FGF13: variants seen among roughly 807,000 people sequenced by gnomAD.
FGF13 encodes the protein fibroblast growth factor 13.
A neutral mutation model predicts 19.5 loss-of-function variants in FGF13; 2 were observed. The observed-to-expected ratio is 0.10, with a 90% confidence interval of 0.04 to 0.32. The LOEUF (loss-of-function observed/expected upper bound fraction) is 0.32. Ranked by LOEUF, FGF13 falls within the 10% of genes least tolerant of loss-of-function variation. The probability of loss-of-function intolerance (pLI) is 1.00; values close to 1 mark genes in which losing one functional copy is unlikely to be tolerated. For missense variants in FGF13, 113 were observed against 192.7 expected (o/e 0.59, Z 2.45); for synonymous variants, 72 against 76.9 (o/e 0.94, Z 0.33).
chrX:138,714,270 A>G (rs779637047), upstream of FGF13: 1 of 111,913 alleles, frequency 8.9e-6, no homozygotes, highest in African/African-American at 3.2e-5. Flanking sequence ...CAGAGGGTAA[A>G]TTCAATCTGG....
intron 1 of FGF13, among the ~76,000 whole-genome samples, chrX:138,728,663 C>T (rs953872084): frequency 9.0e-6 from 1 of 110,639 alleles, no homozygotes; most frequent in African/African-American, 3.3e-5. Flanking sequence ...GACCTCCTCT[C>T]CCAGTCCTAG....
At chrX:139,077,211 T>A (rs1603185493) in intron 1 of FGF13, among the ~76,000 whole-genome samples, 1 of 111,723 alleles carries the variant, frequency 9.0e-6, no homozygotes, top group Non-Finnish European at 1.9e-5. Flanking sequence ...TCAGACCCCT[T>A]GGTAGCATTC....
chrX:138,642,694 A>G (rs1431341120), intron 3 of FGF13, among the ~76,000 whole-genome samples: 2 of 112,351 alleles, frequency 1.8e-5, no homozygotes, highest in Admixed American at 9.4e-5. Flanking sequence ...AGGACTGTAC[A>G]TGAATTACAC....
At chrX:139,081,270 T>G (rs922870694) in intron 1 of FGF13, among the ~76,000 whole-genome samples, 2 of 111,675 alleles carry the variant, frequency 1.8e-5, no homozygotes, top group Admixed American at 9.5e-5. Flanking sequence ...TAGAGTTGAT[T>G]ACTCCTTCAC....
chrX:138,681,140 C>T (rs1417728094), intron 3 of FGF13, among the ~76,000 whole-genome samples: 1 of 102,350 alleles, frequency 9.8e-6, no homozygotes, highest in African/African-American at 3.6e-5. Flanking sequence ...TGCCACTGCA[C>T]TCCAGCCTGG....
intron 1 of FGF13, among the ~76,000 whole-genome samples, chrX:138,986,349 G>A (rs1252938758): frequency 9.0e-6 from 1 of 111,605 alleles, no homozygotes; most frequent in Non-Finnish European, 1.9e-5. Context: ...TTTTGCTCAT[G>A]AGAACACTGA....
chrX:139,112,219 T>C (rs1274349225), intron 1 of FGF13, among the ~76,000 whole-genome samples: 1 of 111,708 alleles, frequency 9.0e-6, no homozygotes, highest in East Asian at 2.8e-4. Flanking sequence ...TGAGTCCTTA[T>C]TTCCTCATCC....
rs894675053 is a variant in FGF13, at chrX:138,631,985, C to T, written c.*865G>A. On this transcript the variant is annotated 3_prime_UTR_variant, in exon 5 of 5. Transcript: ENST00000315930. The stretch of plus-strand genomic sequence containing the variant: ...TTTAACAACACAAAAGACAACATCA[C>T]AGTTCCACAGTTCCTGTCTTTACAC... 1 of 111,534 alleles carries T rather than the reference C, an allele frequency of 9.0e-6. No individual in the cohort carries two copies. The highest frequency in any genetic ancestry group is 1.9e-5 in the Non-Finnish European group (1 of 53,029). 9.2% of individuals were successfully genotyped at this position (111,534 alleles called of 1,213,427 possible).
intron 1 of FGF13, among the ~76,000 whole-genome samples, chrX:139,064,851 T>G (rs2092349715): frequency 9.0e-6 from 1 of 111,690 alleles, no homozygotes; most frequent in Non-Finnish European, 1.9e-5. Flanking sequence ...CCAAATTTAT[T>G]TGAGGCTTTG....
chrX:138,746,308 C>A (rs1218475694), intron 3 of FGF13, among the ~76,000 whole-genome samples: 1 of 110,493 alleles, frequency 9.1e-6, no homozygotes, highest in Admixed American at 9.6e-5. Context: ...ATATAGGGAG[C>A]TCTCTTAAGA....
chrX:139,111,259 G>A (rs755367112), intron 1 of FGF13, among the ~76,000 whole-genome samples: 2 of 111,498 alleles, frequency 1.8e-5, no homozygotes, highest in African/African-American at 6.5e-5. Flanking sequence ...GTCTGGCAAA[G>A]GTGTTCAATA....
intron 1 of FGF13, among the ~76,000 whole-genome samples, chrX:139,180,467 G>A (rs777623121): frequency 4.5e-5 from 5 of 111,806 alleles, no homozygotes; most frequent in Admixed American, 9.5e-5. Flanking sequence ...CTATCATCCA[G>A]AGTCCTCAAA....
At chrX:138,852,100 A>G (rs1189541240) in intron 3 of FGF13, among the ~76,000 whole-genome samples, 1 of 112,321 alleles carries the variant, frequency 8.9e-6, no homozygotes, top group Non-Finnish European at 1.9e-5. Context: ...TTCCATGCTC[A>G]TGGATAGAAA....
intron 1 of FGF13, among the ~76,000 whole-genome samples, chrX:139,045,860 CTCGAGGAAGTTCCAAACT>C (rs1232389521): frequency 8.9e-6 from 1 of 111,739 alleles, no homozygotes. Context: ...TTTAACCAGT[CTCGAGGAAGTTCCAAACT>C]TTCTCTCATC....
At chrX:139,134,408 C>T (rs1163478746) in intron 1 of FGF13, among the ~76,000 whole-genome samples, 1 of 111,743 alleles carries the variant, frequency 8.9e-6, no homozygotes, top group Non-Finnish European at 1.9e-5. Context: ...TGGGACTTTG[C>T]ACATGCTGTT....
Position 139,009,655 on chromosome X carries a change from C to T in FGF13, c.-112-145005G>A, listed in dbSNP as rs576377116. ...ACTACAAGAAATGCTAAAAGGAGGTCTAAATCTTGAAACAAATCCTCAAAA... is the reference window on the plus strand; with the variant it reads ...ACTACAAGAAATGCTAAAAGGAGGTTTAAATCTTGAAACAAATCCTCAAAA... On this transcript the variant is annotated intron_variant, in intron 1 of 2. Coordinates refer to the FGF13 transcript ENST00000421460. Among the ~76,000 whole-genome samples, 62 of 111,512 alleles carry T rather than the reference C, an allele frequency of 5.6e-4. 1 individual carries two copies. The South Asian group carries it at 7.4e-3, about 13-fold the overall frequency.
chrX:138,683,515 T>C (rs776864471), intron 3 of FGF13, among the ~76,000 whole-genome samples: 1 of 111,140 alleles, frequency 9.0e-6, no homozygotes, highest in African/African-American at 3.3e-5. Context: ...TAAGTCCACT[T>C]GATTTGCTTC....
chrX:138,821,306 C>G (rs1382668875), intron 3 of FGF13, among the ~76,000 whole-genome samples: 4 of 111,578 alleles, frequency 3.6e-5, no homozygotes, highest in Non-Finnish European at 7.5e-5. Flanking sequence ...CTAATGTGAC[C>G]GAGCAACTGA....
At chrX:139,120,794 G>A (rs1010839110) in intron 1 of FGF13, among the ~76,000 whole-genome samples, 1 of 113,025 alleles carries the variant, frequency 8.8e-6, no homozygotes, top group Non-Finnish European at 1.9e-5. Flanking sequence ...ACTGTGGGCT[G>A]TGGGCCAGCC....
Sources: allele counts gnomAD v4.1 joint callset (sites outside exome capture counted in the v4.1 genomes callset), GRCh38; gene constraint gnomAD v4.1.1; transcripts MANE v1.5; gene names NCBI Gene and HGNC (gene_info 2026-07-23, HGNC 2026-07-21).